DENND2A: variants seen among roughly 807,000 people sequenced by gnomAD.
The protein encoded by DENND2A is DENN domain containing 2A.
Under a neutral mutation model 105.3 loss-of-function variants are expected in DENND2A, and 53 were observed. The ratio of observed to expected loss-of-function variants is 0.50; its 90% CI spans 0.40 to 0.63. The LOEUF (loss-of-function observed/expected upper bound fraction) is 0.63. Among genes scored for constraint, DENND2A ranks in the 30% least tolerant of loss-of-function variants. DENND2A has a pLI of 0.00. For missense variants in DENND2A, 1,138 were observed against 1,279.6 expected (o/e 0.89, Z 1.69); for synonymous variants, 522 against 508.4 (o/e 1.03, Z -0.36).
chr7:140,626,126 G>A (rs1482855658), intron 1 of DENND2A, among the ~76,000 whole-genome samples: 1 of 152,170 alleles, frequency 6.6e-6, no homozygotes, highest in African/African-American at 2.4e-5. Flanking sequence ...GGTGCCTAAC[G>A]CCTACAGGTC....
chr7:140,564,896 T>C (rs1286992258), intron 9 of DENND2A, among the ~76,000 whole-genome samples: 1 of 152,134 alleles, frequency 6.6e-6, no homozygotes, highest in Non-Finnish European at 1.5e-5. Context: ...AGTGTGAGCA[T>C]ACCCAGTGGC....
chr7:140,597,676 G>T (rs765901979), intron 3 of DENND2A, among the ~76,000 whole-genome samples: 36 of 152,210 alleles, frequency 2.4e-4, no homozygotes, highest in South Asian at 4.1e-4. Context: ...GGGAATAACT[G>T]TTCCCCAGGT....
intron 1 of DENND2A, among the ~76,000 whole-genome samples, chr7:140,624,393 G>A (rs1800426620): frequency 6.6e-6 from 1 of 152,156 alleles, no homozygotes; most frequent in African/African-American, 2.4e-5. Context: ...CAAACTTAAT[G>A]ATACTGGAAA....
At chr7:140,533,435 G>A (rs1322109309) in intron 14 of DENND2A, among the ~76,000 whole-genome samples, 1 of 152,200 alleles carries the variant, frequency 6.6e-6, no homozygotes. Context: ...GTTGCCTTCA[G>A]TGACAGAGAG....
chr7:140,622,442 G>A (rs967214157), intron 1 of DENND2A, among the ~76,000 whole-genome samples: 7 of 151,864 alleles, frequency 4.6e-5, no homozygotes, highest in African/African-American at 7.3e-5. Flanking sequence ...TTACAGAACC[G>A]TTGCAAGAAT....
chr7:140,586,914 A>G (rs1798806888), intron 4 of DENND2A, among the ~76,000 whole-genome samples: 1 of 152,014 alleles, frequency 6.6e-6, no homozygotes, highest in Non-Finnish European at 1.5e-5. Flanking sequence ...TCTCCCTTTT[A>G]TCAGCTTGTT....
At chr7:140,583,234 G>A (rs1240526819) in intron 5 of DENND2A, among the ~76,000 whole-genome samples, 4 of 151,972 alleles carry the variant, frequency 2.6e-5, no homozygotes, top group Non-Finnish European at 5.9e-5. Flanking sequence ...GCGTGAACCC[G>A]GGAGGTGGAG....
chr7:140,613,670 T>TAA (rs1019747103), intron 1 of DENND2A, among the ~76,000 whole-genome samples: 53 of 117,120 alleles, frequency 4.5e-4, no homozygotes, highest in African/African-American at 1.7e-3. Flanking sequence ...CCCTTAAAAT[T>TAA]AAAAAAAAAA....
At chr7:140,537,511 ATAGC>A (rs1796492933) in intron 14 of DENND2A, among the ~76,000 whole-genome samples, 1 of 152,220 alleles carries the variant, frequency 6.6e-6, no homozygotes, top group Non-Finnish European at 1.5e-5. Context: ...TGGTGCAGTC[ATAGC>A]TCACTAGCCT....
rs1489650680 is a variant in DENND2A, at chr7:140,613,435, G to A, written c.-247-7629C>T. ...TGCACCTGTAGTCCCAGCTACTTGGGAGGCTGAGGCAGGAGAATCACTTGA... is the reference window on the plus strand; with the variant it reads ...TGCACCTGTAGTCCCAGCTACTTGGAAGGCTGAGGCAGGAGAATCACTTGA... On this transcript the variant is annotated intron_variant, in intron 1 of 19. Coordinates refer to ENST00000496613, the MANE Select transcript of DENND2A (RefSeq NM_015689.5). 5.3e-5 allele frequency among the ~76,000 whole-genome samples: 8 copies of A among 151,500 alleles called. No individual in the cohort carries two copies. In the East Asian group the frequency reaches 7.8e-4, roughly 15 times the overall value.
At chr7:140,604,190 T>A (rs1041332113) in intron 2 of DENND2A, among the ~76,000 whole-genome samples, 1 of 152,238 alleles carries the variant, frequency 6.6e-6, no homozygotes, top group African/African-American at 2.4e-5. Context: ...CCGTGAGGGA[T>A]GAATAAGTAG....
intron 5 of DENND2A, among the ~76,000 whole-genome samples, chr7:140,579,811 T>G (rs1028494827): frequency 1.3e-5 from 2 of 152,056 alleles, no homozygotes; most frequent in Non-Finnish European, 2.9e-5. Flanking sequence ...ATCTTTAAAA[T>G]ACACACACAT....
chr7:140,543,898 AT>A (rs201072316), intron 14 of DENND2A: 3,185 of 139,164 alleles, frequency 0.023, 115 homozygotes, highest in African/African-American at 0.082. Context: ...GGCCTATTTT[AT>A]TTTTATTTTT....
At chr7:140,580,440 A>C (rs2429996) in intron 5 of DENND2A, among the ~76,000 whole-genome samples, 80,342 of 151,956 alleles carry the variant, frequency 0.53, 24,132 homozygotes, top group African/African-American at 0.83. Flanking sequence ...CCATGTCAGC[A>C]TCCCGAGTAG....
chr7:140,564,020 T>C (rs1797736801), intron 9 of DENND2A, among the ~76,000 whole-genome samples: 1 of 152,068 alleles, frequency 6.6e-6, no homozygotes, highest in African/African-American at 2.4e-5. Flanking sequence ...TAGTGGCTCA[T>C]GCCTGTAATC....
At position 140,602,170 on chromosome 7, in the gene DENND2A, C is replaced by T. The variant is rs201482531; in HGVS notation, c.228G>A (p.Pro76=). 12 of 1,614,172 alleles carry T rather than the reference C, an allele frequency of 7.4e-6. No homozygotes were observed. The highest frequency in any genetic ancestry group is 6.7e-5 in the East Asian group (3 of 44,868). The part of the protein sequence containing the change: ...RRADGQEDYL[P]SSTVERRSSD... ...TACTCCTCCTCTCCACCGTAGAGGACGGCAGATAATCCTCCTGTCCGTCTG... is the reference window on the plus strand; with the variant it reads ...TACTCCTCCTCTCCACCGTAGAGGATGGCAGATAATCCTCCTGTCCGTCTG... The change falls in exon 3 of 20, where the codon CCG becomes CCA. Residue 76 remains proline (P), a synonymous_variant. Coordinates refer to ENST00000496613, the MANE Select transcript of DENND2A (RefSeq NM_015689.5).
At chr7:140,525,642 C>T (rs901307421) in intron 16 of DENND2A, 109 bp downstream of exon 16, 2 of 1,023,298 alleles carry the variant, frequency 2.0e-6, no homozygotes, top group Non-Finnish European at 2.7e-6. Flanking sequence ...ACAGCTCTGC[C>T]ACCCTGCTCT....
chr7:140,526,086 G>A (rs1184552102), intron 15 of DENND2A, among the ~76,000 whole-genome samples: 4 of 152,186 alleles, frequency 2.6e-5, no homozygotes, highest in African/African-American at 7.2e-5. Context: ...AGCTTCTCAC[G>A]CTGCCTTTTA....
Position 140,573,785 on chromosome 7 carries a change from A to T in DENND2A, c.1446+23T>A, listed in dbSNP as rs780989068. 4 of 1,610,734 alleles carry T rather than the reference A, an allele frequency of 2.5e-6. No individual in the cohort carries two copies. In the East Asian group the frequency reaches 6.7e-5, roughly 27 times the overall value. On this transcript the variant is annotated intron_variant, in intron 6 of 19. Coordinates refer to ENST00000496613, the MANE Select transcript of DENND2A (RefSeq NM_015689.5). ...GAGAAGGGGTCATGCATACCTGAGCATGAAGCTTGTTGCCACCATTACCTT... is the reference window on the plus strand; with the variant it reads ...GAGAAGGGGTCATGCATACCTGAGCTTGAAGCTTGTTGCCACCATTACCTT...
Sources: allele counts gnomAD v4.1 joint callset (sites outside exome capture counted in the v4.1 genomes callset), GRCh38; gene constraint gnomAD v4.1.1; transcripts MANE v1.5; gene names NCBI Gene and HGNC (gene_info 2026-07-23, HGNC 2026-07-21).